The following PSTPIP2 variants were observed in gnomAD, a reference collection of about 807,000 sequenced individuals.
The protein encoded by PSTPIP2 is proline-serine-threonine phosphatase interacting protein 2.
PSTPIP2 carries 33 observed loss-of-function variants against 63.3 expected under a neutral mutation model. That is an observed-to-expected ratio of 0.52 (90% confidence interval 0.40 to 0.70). PSTPIP2 has a LOEUF of 0.70. Ranked by LOEUF, PSTPIP2 falls within the 30% of genes least tolerant of loss-of-function variation. The pLI, the probability that PSTPIP2 is intolerant of heterozygous loss-of-function variation, is 0.00. For missense variants in PSTPIP2, 312 were observed against 400.7 expected (o/e 0.78, Z 1.89); for synonymous variants, 125 against 132.7 (o/e 0.94, Z 0.40).
intron 2 of PSTPIP2, chr18:46,029,549 A>T (rs1330204966): frequency 7.5e-6 from 6 of 795,666 alleles, no homozygotes; most frequent in Non-Finnish European, 1.4e-5. Context: ...GGAGCAGTAA[A>T]TATAAATAAT....
At chr18:46,054,128 A>C (rs1908673378) in intron 1 of PSTPIP2, among the ~76,000 whole-genome samples, 1 of 152,198 alleles carries the variant, frequency 6.6e-6, no homozygotes, top group Non-Finnish European at 1.5e-5. Context: ...GTATCTAAAC[A>C]TATCAAACAG....
rs1486602457 is a variant in PSTPIP2, at chr18:45,988,752, G to A, written c.963C>T (p.Pro321=). The A allele has an allele frequency of 1.9e-6, 3 of 1,561,324 alleles. No homozygotes were observed. Among genetic ancestry groups the A allele is most frequent in the African/African-American group, 1.4e-5 (1 of 73,324 alleles). Residue 321 remains proline (P), a synonymous_variant, in exon 14 of 15, where the codon CCC becomes CCT. Coordinates refer to ENST00000409746, the MANE Select transcript of PSTPIP2 (RefSeq NM_024430.4). ...LPIPKSSPDD[P]NYSLVDDYSL... ...TGTAGTCATCAACCAAAGAGTAATT[G>A]GGATCATCTGCAAAAGGCAGAACAC...
chr18:46,065,547 A>G (rs1167831957), intron 1 of PSTPIP2, among the ~76,000 whole-genome samples: 1 of 151,832 alleles, frequency 6.6e-6, no homozygotes, highest in Non-Finnish European at 1.5e-5. Flanking sequence ...GCTCACTGCA[A>G]CCTCCGCCTC....
chr18:46,064,623 G>A (rs1211252053), intron 1 of PSTPIP2, among the ~76,000 whole-genome samples: 1 of 151,850 alleles, frequency 6.6e-6, no homozygotes, highest in Non-Finnish European at 1.5e-5. Flanking sequence ...TCTTAATGGA[G>A]TAGAGGCAAG....
chr18:45,989,092 A>G, intron 13 of PSTPIP2, among the ~76,000 whole-genome samples: 1 of 152,214 alleles, frequency 6.6e-6, no homozygotes, highest in East Asian at 1.9e-4. Flanking sequence ...TTAAATCTTC[A>G]TATTGTTCAA....
At chr18:46,061,421 T>C (rs1448127858) in intron 1 of PSTPIP2, among the ~76,000 whole-genome samples, 1 of 152,142 alleles carries the variant, frequency 6.6e-6, no homozygotes, top group Non-Finnish European at 1.5e-5. Flanking sequence ...TCGGAGGACC[T>C]GGCAGGAGCA....
At chr18:46,035,849 A>G (rs1402260070) in intron 2 of PSTPIP2, among the ~76,000 whole-genome samples, 1 of 152,156 alleles carries the variant, frequency 6.6e-6, no homozygotes, top group Non-Finnish European at 1.5e-5. Flanking sequence ...CTCATCTACA[A>G]AGCTACACTT....
intron 1 of PSTPIP2, among the ~76,000 whole-genome samples, chr18:46,064,628 G>A (rs1006429895): frequency 2.0e-5 from 3 of 151,770 alleles, no homozygotes; most frequent in Non-Finnish European, 4.4e-5. Context: ...ATGGAGTAGA[G>A]GCAAGATCAC....
intron 12 of PSTPIP2, 41 bp downstream of exon 12, chr18:45,991,861 T>C: frequency 1.3e-6 from 2 of 1,510,296 alleles, no homozygotes; most frequent in Non-Finnish European, 1.8e-6. Flanking sequence ...CAATGTTTGT[T>C]AAAAGTATTT....
intron 9 of PSTPIP2, 123 bp from the exon 10 acceptor site, chr18:45,993,826 A>C: frequency 1.3e-6 from 1 of 799,904 alleles, no homozygotes; most frequent in South Asian, 1.6e-5. Context: ...CCAATTTAGA[A>C]TGCTTCTCCC....
intron 1 of PSTPIP2, chr18:46,041,129 C>T: frequency 2.2e-6 from 1 of 449,474 alleles, no homozygotes; most frequent in Non-Finnish European, 4.5e-6. Context: ...AGCCAGAAGC[C>T]AGGAACCAGG....
At chr18:46,004,383 G>C (rs2051702879) in intron 6 of PSTPIP2, among the ~76,000 whole-genome samples, 1 of 152,198 alleles carries the variant, frequency 6.6e-6, no homozygotes. Flanking sequence ...GTTGTATCCA[G>C]AGTCAACAGA....
intron 1 of PSTPIP2, among the ~76,000 whole-genome samples, chr18:46,042,176 T>C (rs578238670): frequency 6.6e-6 from 1 of 152,290 alleles, no homozygotes; most frequent in East Asian, 1.9e-4. Flanking sequence ...TTCTATGCTT[T>C]GTGACAGTTG....
At chr18:46,063,872 G>T (rs1482816170) in intron 1 of PSTPIP2, among the ~76,000 whole-genome samples, 1 of 152,160 alleles carries the variant, frequency 6.6e-6, no homozygotes, top group Non-Finnish European at 1.5e-5. Flanking sequence ...ACTAGCATCC[G>T]CACATACTAT....
At position 45,984,137 on chromosome 18, in the gene PSTPIP2, G is replaced by C. The variant is rs1046281972; in HGVS notation, c.*1322C>G. 13 of 152,090 alleles carry C rather than the reference G, an allele frequency of 8.5e-5. No homozygotes were observed. Among genetic ancestry groups the C allele is most frequent in the Admixed American group, 8.5e-4 (13 of 15,270 alleles). The allele number at this position is 152,090 out of a possible 1,614,324, so 9.4% of individuals were successfully genotyped here. ...CACTTCAGCCTGGGGGACAGAGAGA[G>C]ACTCTGTCTCAAAAAAAAGAAAAAA... On this transcript the variant is annotated 3_prime_UTR_variant, in exon 15 of 15. Coordinates refer to ENST00000409746, the MANE Select transcript of PSTPIP2 (RefSeq NM_024430.4).
chr18:45,985,904 G>A (rs1364333533), intron 14 of PSTPIP2, among the ~76,000 whole-genome samples: 6 of 151,512 alleles, frequency 4.0e-5, no homozygotes, highest in Admixed American at 3.9e-4. Flanking sequence ...AGCCTCCCAA[G>A]TAGCTGGGAT....
chr18:46,015,944 A>G lies in PSTPIP2; in HGVS notation c.213-7T>C. 1 of 1,612,158 alleles carries G rather than the reference A, an allele frequency of 6.2e-7. No homozygotes were observed. Among genetic ancestry groups the G allele is most frequent in the Non-Finnish European group, 8.5e-7 (1 of 1,178,764 alleles). On this transcript the variant is annotated splice_region_variant and splice_polypyrimidine_tract_variant and intron_variant, in intron 3 of 14. Transcript: ENST00000409746. ...AAGGGCCCGCTTCAGGGTGCTAAAA[A>G]AAACAAGCACATATATAATTTCAGT...
At chr18:45,988,588 C>T in intron 14 of PSTPIP2, 114 bp downstream of exon 14, 1 of 885,200 alleles carries the variant, frequency 1.1e-6, no homozygotes, top group Non-Finnish European at 1.8e-6. Context: ...GTGTACCTGC[C>T]TCATGCAAGG....
intron 1 of PSTPIP2, among the ~76,000 whole-genome samples, chr18:46,049,087 G>T (rs1908491791): frequency 6.6e-6 from 1 of 151,248 alleles, no homozygotes; most frequent in Non-Finnish European, 1.5e-5. Flanking sequence ...GAAAGGGACA[G>T]AACTTTTGAG....
Sources: gnomAD v4.1 joint callset for allele counts (sites outside exome capture counted in the v4.1 genomes callset) on GRCh38, gnomAD v4.1.1 for gene constraint, MANE v1.5 for transcripts, NCBI Gene and HGNC (gene_info 2026-07-23, HGNC 2026-07-21) for gene names.